Variants in TTLL6 observed in about 807,000 individuals in gnomAD.
The protein encoded by TTLL6 is tubulin polyglutamylase TTLL6.
In TTLL6, 75 loss-of-function variants were observed where a neutral mutation model predicts 96.4. The observed-to-expected ratio is 0.78, with a 90% CI of 0.65 to 0.94. The LOEUF is 0.94. Among genes scored for constraint, TTLL6 ranks in the 40% least tolerant of loss-of-function variants. The pLI, the probability that TTLL6 is intolerant of heterozygous loss-of-function variation, is 0.00. For synonymous variants in TTLL6, 411 were observed against 419.4 expected (o/e 0.98, Z 0.24); for missense variants, 1,030 against 1,093.0 (o/e 0.94, Z 0.81).
chr17:48,787,789 C>T, intron 11 of TTLL6, 22 bp downstream of exon 11: 2 of 1,607,812 alleles, frequency 1.2e-6, no homozygotes, highest in Non-Finnish European at 1.7e-6. Context: ...CTCCACCGAC[C>T]TCATCCCGGA....
intron 15 of TTLL6, chr17:48,765,437 CTG>C (rs1161132870): frequency 6.6e-6 from 1 of 152,172 alleles, no homozygotes; most frequent in Non-Finnish European, 1.5e-5. Context: ...AAGTGTACAA[CTG>C]TGATTGAAAT....
At chr17:48,797,787 CAAAAAAAAA>C (rs58265844) in intron 6 of TTLL6, among the ~76,000 whole-genome samples, 1 of 58,634 alleles carries the variant, frequency 1.7e-5, no homozygotes, top group Non-Finnish European at 3.3e-5. Context: ...AACTCCATCT[CAAAAAAAAA>C]AAAAAAAAAA....
intron 15 of TTLL6, among the ~76,000 whole-genome samples, chr17:48,764,100 C>T (rs2038545264): frequency 1.3e-5 from 2 of 152,014 alleles, no homozygotes; most frequent in African/African-American, 4.8e-5. Context: ...AGTGCCACTG[C>T]ACTCCAGCCT....
At chr17:48,788,113 G>A (rs2039143041) in intron 10 of TTLL6, 114 bp from the exon 11 acceptor site, 1 of 933,074 alleles carries the variant, frequency 1.1e-6, no homozygotes, top group East Asian at 2.4e-5. Context: ...GCACATAATG[G>A]CGGTCAATCA....
At chr17:48,766,044 A>G (rs551291448) in intron 15 of TTLL6, among the ~76,000 whole-genome samples, 1 of 152,332 alleles carries the variant, frequency 6.6e-6, no homozygotes, top group South Asian at 2.1e-4. Flanking sequence ...TTCTTGGGGA[A>G]TCTAGCCCAC....
Position 48,766,255 on chromosome 17 carries a change from A to G in TTLL6, c.*2734T>C, listed in dbSNP as rs138113346. 4.2e-3 allele frequency among the ~76,000 whole-genome samples: 638 copies of G among 152,254 alleles called. 11 individuals are homozygous for G. In the South Asian group the frequency reaches 0.06, roughly 14 times the overall value. On this transcript the variant is annotated intron_variant, in intron 15 of 15. Transcript: ENST00000393382. ...AGTCCCAATCTTTGAGGAGCCCCCA[A>G]TCTTGAGGGAAGGAATAAAGTTCCT...
At chr17:48,782,208 C>T (rs1012018302) in intron 13 of TTLL6, among the ~76,000 whole-genome samples, 2 of 150,776 alleles carry the variant, frequency 1.3e-5, no homozygotes, top group South Asian at 2.1e-4. Context: ...CAGGTTCAAG[C>T]GATTCTCCTG....
chr17:48,804,691 C>T, intron 2 of TTLL6, 81 bp downstream of exon 2: 1 of 1,211,842 alleles, frequency 8.3e-7, no homozygotes, highest in Non-Finnish European at 1.2e-6. Flanking sequence ...ACTCTCTCAT[C>T]ATCAGCCAAG....
At chr17:48,812,860 A>C (rs2039615119) in intron 1 of TTLL6, among the ~76,000 whole-genome samples, 1 of 152,232 alleles carries the variant, frequency 6.6e-6, no homozygotes, top group Non-Finnish European at 1.5e-5. Flanking sequence ...TTAGGTAAGT[A>C]ACATTTGTTA....
chr17:48,785,294 A>G, intron 12 of TTLL6, 93 bp from the exon 13 acceptor site: 3 of 1,562,114 alleles, frequency 1.9e-6, no homozygotes, highest in Non-Finnish European at 2.6e-6. Context: ...TGAAAAAGAG[A>G]TGAGGAGAAG....
In TTLL6 at chr17:48,791,490, A is replaced by C. The variant is rs764608466; in HGVS notation, c.1112T>G (p.Ile371Ser). Residue 371 changes from isoleucine to serine, a missense_variant, in exon 9 of 16, where the codon ATC (isoleucine) becomes AGC (serine). By Grantham distance (142) the Ile-to-Ser change is moderately radical (BLOSUM62 -2). Transcript: ENST00000393382. ...GAAGCAGGTGTGGTAGTTATGCCTG[A>C]TGATGGGGTGGGCCGAGATGAGGGT... ...IKTLISAHPI[I>S]RHNYHTCFPN... The C allele has an allele frequency of 3.1e-6, 5 of 1,614,200 alleles. No homozygotes were observed. In the South Asian group the frequency reaches 5.5e-5, roughly 18 times the overall value.
At chr17:48,809,530 G>A (rs1242956188) in intron 1 of TTLL6, among the ~76,000 whole-genome samples, 3 of 152,146 alleles carry the variant, frequency 2.0e-5, no homozygotes, top group African/African-American at 7.2e-5. Context: ...TTGCCTGAGT[G>A]GTAAGAACAA....
chr17:48,796,736 G>C (rs181684385), intron 7 of TTLL6, among the ~76,000 whole-genome samples: 11 of 152,026 alleles, frequency 7.2e-5, no homozygotes, highest in African/African-American at 2.7e-4. Flanking sequence ...GCTCATCCAC[G>C]GCCTTTTCTC....
At chr17:48,763,792 C>T (rs1191733556) in intron 15 of TTLL6, among the ~76,000 whole-genome samples, 1 of 151,948 alleles carries the variant, frequency 6.6e-6, no homozygotes, top group East Asian at 1.9e-4. Flanking sequence ...GAGCAAGACT[C>T]TGTCTCTAAA....
chr17:48,784,835 T>C, intron 13 of TTLL6, 88 bp downstream of exon 13: 1 of 1,188,326 alleles, frequency 8.4e-7, no homozygotes, highest in Non-Finnish European at 1.2e-6. Context: ...AGTGGCTTAC[T>C]CAAAGGGTCA....
intron 8 of TTLL6, among the ~76,000 whole-genome samples, chr17:48,793,562 T>C (rs1250384645): frequency 6.7e-6 from 1 of 148,484 alleles, no homozygotes; most frequent in Non-Finnish European, 1.5e-5. Flanking sequence ...GCCATTGCAC[T>C]CCAGTCTGGG....
chr17:48,793,950 G>A (rs1597987372), intron 8 of TTLL6, among the ~76,000 whole-genome samples: 1 of 152,132 alleles, frequency 6.6e-6, no homozygotes, highest in East Asian at 1.9e-4. Flanking sequence ...CTGCGGTGGA[G>A]GCAAGGAGAG....
intron 8 of TTLL6, chr17:48,794,262 T>C (rs1180658678): frequency 9.9e-6 from 16 of 1,613,520 alleles, no homozygotes; most frequent in Non-Finnish European, 1.4e-5. Context: ...GGGCCTGCTG[T>C]TGGGGTGCCA....
At chr17:48,784,840 G>T (rs1319509822) in intron 13 of TTLL6, 83 bp downstream of exon 13, 2 of 1,235,968 alleles carry the variant, frequency 1.6e-6, no homozygotes, top group Admixed American at 3.9e-5. Flanking sequence ...CTTACTCAAA[G>T]GGTCACAGCA....
Sources: gnomAD v4.1 joint callset for allele counts (sites outside exome capture counted in the v4.1 genomes callset) on GRCh38, gnomAD v4.1.1 for gene constraint, MANE v1.5 for transcripts, NCBI Gene and HGNC (gene_info 2026-07-23, HGNC 2026-07-21) for gene names.